Variants in BPTF observed in about 807,000 individuals in gnomAD.
The protein encoded by BPTF is nucleosome-remodeling factor subunit BPTF.
Under a neutral mutation model 292.5 loss-of-function variants are expected in BPTF, and 18 were observed. The ratio of observed to expected loss-of-function variants is 0.06; its 90% CI spans 0.04 to 0.09. The LOEUF is 0.09. BPTF is among the 10% of genes least tolerant of loss of function. BPTF has a pLI of 1.00. For synonymous variants in BPTF, 1,225 were observed against 1,251.9 expected (o/e 0.98, Z 0.45); for missense variants, 2,726 against 3,498.7 (o/e 0.78, Z 5.57).
In BPTF at chr17:67,886,439, A is replaced by G. The variant is rs561032984; in HGVS notation, c.1865-5405A>G. On this transcript the variant is annotated intron_variant, in intron 4 of 27. Transcript: ENST00000306378. Reference sequence around the variant, plus strand: ...TTTTAGTTTTTAATTTTTTAAATGAAAGTTTGGTGGGGGGTGGAATTTAGA... The same window carrying G: ...TTTTAGTTTTTAATTTTTTAAATGAGAGTTTGGTGGGGGGTGGAATTTAGA... The G allele has an allele frequency of 1.6e-5, 10 of 619,492 alleles. No homozygotes were observed. In the South Asian group the frequency reaches 4.2e-4, roughly 26 times the overall value. 38.4% of individuals were successfully genotyped at this position (619,492 alleles called of 1,614,324 possible). A position where few individuals can be genotyped will look rare whatever the true frequency, so the allele number is the denominator to read the frequency against.
chr17:67,898,360 TAAAAAGA>T (rs1289469241), intron 7 of BPTF, among the ~76,000 whole-genome samples: 1 of 152,168 alleles, frequency 6.6e-6, no homozygotes, highest in Non-Finnish European at 1.5e-5. Flanking sequence ...GATGCTGTCT[TAAAAAGA>T]AAAAAGTTGA....
intron 1 of BPTF, among the ~76,000 whole-genome samples, chr17:67,827,971 G>T (rs1297088028): frequency 7.1e-6 from 1 of 140,308 alleles, no homozygotes; most frequent in Non-Finnish European, 1.5e-5. Context: ...TTGCTCTGTC[G>T]TCTGGGCTGG....
chr17:67,889,293 C>G, intron 4 of BPTF, among the ~76,000 whole-genome samples: 1 of 152,152 alleles, frequency 6.6e-6, no homozygotes, highest in East Asian at 1.9e-4. Context: ...TCCTCCTTTC[C>G]CTTATTTGCA....
intron 13 of BPTF, among the ~76,000 whole-genome samples, chr17:67,920,505 G>T (rs1028397258): frequency 2.6e-5 from 4 of 152,148 alleles, no homozygotes; most frequent in Non-Finnish European, 5.9e-5. Context: ...GTCAATAAAG[G>T]TTTCTTAAGG....
intron 1 of BPTF, among the ~76,000 whole-genome samples, chr17:67,836,997 T>C (rs2057182297): frequency 1.3e-5 from 2 of 152,244 alleles, no homozygotes; most frequent in South Asian, 2.1e-4. Context: ...TTTTCCTTAA[T>C]TGCTTTAATA....
At chr17:67,870,808 C>G (rs926617223) in intron 3 of BPTF, among the ~76,000 whole-genome samples, 1 of 107,644 alleles carries the variant, frequency 9.3e-6, no homozygotes, top group Non-Finnish European at 1.7e-5. Flanking sequence ...CTCGCTCTGT[C>G]GCCCAGGCTG....
At chr17:67,943,874 T>C (rs1555673068) in intron 19 of BPTF, among the ~76,000 whole-genome samples, 1 of 152,118 alleles carries the variant, frequency 6.6e-6, no homozygotes, top group African/African-American at 2.4e-5. Context: ...ATTTTATAGA[T>C]TGGGAAACTT....
At chr17:67,865,399 G>A (rs1190319976) in intron 2 of BPTF, among the ~76,000 whole-genome samples, 2 of 152,182 alleles carry the variant, frequency 1.3e-5, no homozygotes, top group Admixed American at 6.5e-5. Flanking sequence ...TGTGGTAGAT[G>A]CCTTATCATT....
chr17:67,924,721 C>A, intron 15 of BPTF, 132 bp downstream of exon 15: 1 of 974,968 alleles, frequency 1.0e-6, no homozygotes, highest in Non-Finnish European at 1.6e-6. Context: ...CATTTTTTAG[C>A]CAAATTCATG....
chr17:67,959,267 T>C (rs1210489180), intron 23 of BPTF, among the ~76,000 whole-genome samples: 1 of 152,218 alleles, frequency 6.6e-6, no homozygotes, highest in African/African-American at 2.4e-5. Flanking sequence ...GGAGGGACGC[T>C]CTTCCTAGCC....
At chr17:67,873,715 T>C (rs1219509914) in intron 3 of BPTF, among the ~76,000 whole-genome samples, 5 of 152,288 alleles carry the variant, frequency 3.3e-5, no homozygotes, top group African/African-American at 1.2e-4. Flanking sequence ...TTCACTCATA[T>C]ACATATGTGC....
intron 1 of BPTF, among the ~76,000 whole-genome samples, chr17:67,830,012 C>A (rs1339548561): frequency 6.6e-6 from 1 of 152,128 alleles, no homozygotes; most frequent in Non-Finnish European, 1.5e-5. Flanking sequence ...CCTAGTTTTG[C>A]TTAAGCTAAA....
At chr17:67,843,149 A>T (rs901215766) in intron 1 of BPTF, among the ~76,000 whole-genome samples, 1 of 149,304 alleles carries the variant, frequency 6.7e-6, no homozygotes, top group Non-Finnish European at 1.5e-5. Context: ...CATACATATA[A>T]ATATATATCT....
Position 67,911,516 on chromosome 17 carries a change from A to G in BPTF, c.3632A>G (p.Asn1211Ser), listed in dbSNP as rs749253326. Residue 1211 changes from asparagine to serine, a missense_variant, in exon 11 of 28, where the codon AAT (asparagine) becomes AGT (serine). Coordinates refer to ENST00000306378, the MANE Select transcript of BPTF (RefSeq NM_182641.4). ...CCCAGTAAGAGTAAAACAAAAGGAA[A>G]TGATTTTTTCATCGATGACTCTAAA... is the stretch of plus-strand genomic sequence containing the variant. ...QEPSKSKTKG[N>S]DFFIDDSKLA... The G allele has an allele frequency of 6.2e-7, 1 of 1,613,520 alleles. No homozygotes were observed. Among genetic ancestry groups the G allele is most frequent in the South Asian group, 1.1e-5 (1 of 90,996 alleles).
At chr17:67,960,052 T>C (rs910592904) in intron 24 of BPTF, 177 bp downstream of exon 24, 8 of 541,222 alleles carry the variant, frequency 1.5e-5, no homozygotes, top group Non-Finnish European at 2.2e-5. Flanking sequence ...TAAAGTAAAA[T>C]TTGCTATTTC....
At position 67,932,013 on chromosome 17, in the gene BPTF, C is replaced by A; in HGVS notation, c.6253C>A (p.Gln2085Lys). The A allele has an allele frequency of 6.2e-7, 1 of 1,610,818 alleles. No homozygotes were observed. Among genetic ancestry groups the A allele is most frequent in the Non-Finnish European group, 8.5e-7 (1 of 1,177,110 alleles). The change falls in exon 18 of 28, where the codon CAG (glutamine) becomes AAG (lysine). Residue 2085 changes from glutamine to lysine, a missense_variant. Gln to Lys is a moderately conservative substitution (Grantham distance 53). Around this residue, in one of 22 missense-constraint regions of BPTF, gnomAD observed 570 missense variants for 633.5 expected, o/e 0.90. Coordinates refer to ENST00000306378, the MANE Select transcript of BPTF (RefSeq NM_182641.4). ...AATTATTCGAACACCTGTGATGGTA[C>A]AGCCAGGTATTTATCCATCCAGCAT... ...KAIIRTPVMV[Q>K]PGAPQQVMTQ...
intron 1 of BPTF, among the ~76,000 whole-genome samples, chr17:67,845,980 G>C (rs911040885): frequency 1.3e-5 from 2 of 151,946 alleles, no homozygotes; most frequent in Non-Finnish European, 2.9e-5. Flanking sequence ...AAGGCTAAAA[G>C]ACATTAAATG....
At chr17:67,886,041 T>G in intron 4 of BPTF, 1 of 1,034,868 alleles carries the variant, frequency 9.7e-7, no homozygotes, top group South Asian at 1.8e-5. Flanking sequence ...AGCTTCTTAA[T>G]GAAATCCTAA....
At chr17:67,885,788 G>T (rs1201092643) in intron 4 of BPTF, among the ~76,000 whole-genome samples, 1 of 152,184 alleles carries the variant, frequency 6.6e-6, no homozygotes, top group East Asian at 1.9e-4. Context: ...CTGGCGCACT[G>T]TAAGTTTTGA....
Sources: gnomAD v4.1 joint callset for allele counts (sites outside exome capture counted in the v4.1 genomes callset) on GRCh38, gnomAD v4.1.1 for gene constraint, gnomAD v4.1.1 regional missense constraint, MANE v1.5 for transcripts, NCBI Gene and HGNC (gene_info 2026-07-23, HGNC 2026-07-21) for gene names.